LRRTM3: variants seen among roughly 807,000 people sequenced by gnomAD.
LRRTM3 encodes the protein leucine rich repeat transmembrane neuronal 3.
Under a neutral mutation model 44.7 loss-of-function variants are expected in LRRTM3, and 24 were observed. The ratio of observed to expected loss-of-function variants is 0.54; its 90% CI spans 0.39 to 0.76. The LOEUF (loss-of-function observed/expected upper bound fraction) is 0.76. Among genes scored for constraint, LRRTM3 ranks in the 30% least tolerant of loss-of-function variants. The pLI is 0.00. For missense variants in LRRTM3, 587 were observed against 702.2 expected (o/e 0.84, Z 1.85); for synonymous variants, 277 against 278.7 (o/e 0.99, Z 0.06).
chr10:67,004,098 A>G (rs1038468452), intron 2 of LRRTM3, among the ~76,000 whole-genome samples: 2 of 152,120 alleles, frequency 1.3e-5, no homozygotes, highest in Non-Finnish European at 2.9e-5. Context: ...GTTAAAAAAA[A>G]AAAGCCACCT....
chr10:67,085,786 G>T (rs766899391), intron 2 of LRRTM3, among the ~76,000 whole-genome samples: 1 of 151,796 alleles, frequency 6.6e-6, no homozygotes, highest in Non-Finnish European at 1.5e-5. Context: ...TTACTAATAC[G>T]CAAGCCTGCA....
chr10:66,998,344 T>C (rs1851473854), intron 2 of LRRTM3, among the ~76,000 whole-genome samples: 1 of 152,146 alleles, frequency 6.6e-6, no homozygotes, highest in Non-Finnish European at 1.5e-5. Context: ...TAGAACAATA[T>C]TTTTTAAAGC....
At chr10:66,938,093 T>C (rs536391215) in intron 2 of LRRTM3, among the ~76,000 whole-genome samples, 2 of 152,220 alleles carry the variant, frequency 1.3e-5, no homozygotes, top group Non-Finnish European at 2.9e-5. Context: ...TTGCAAACAA[T>C]CTACAGTAAA....
At chr10:66,947,111 A>G (rs1244743671) in intron 2 of LRRTM3, among the ~76,000 whole-genome samples, 1 of 152,066 alleles carries the variant, frequency 6.6e-6, no homozygotes, top group African/African-American at 2.4e-5. Context: ...TCAACTTAGA[A>G]AGCCAGCCCT....
intron 2 of LRRTM3, among the ~76,000 whole-genome samples, chr10:67,069,407 C>A (rs758400441): frequency 6.6e-6 from 1 of 151,954 alleles, no homozygotes; most frequent in Admixed American, 6.6e-5. Context: ...ACTCAAAAAA[C>A]GCTCATTGTA....
intron 2 of LRRTM3, among the ~76,000 whole-genome samples, chr10:67,077,222 G>A (rs959990844): frequency 2.0e-4 from 30 of 152,190 alleles, no homozygotes; most frequent in African/African-American, 7.0e-4. Flanking sequence ...GCACATGTTC[G>A]CTCTGGACCT....
At chr10:67,003,466 T>C (rs999060552) in intron 2 of LRRTM3, among the ~76,000 whole-genome samples, 2 of 152,168 alleles carry the variant, frequency 1.3e-5, no homozygotes, top group East Asian at 3.8e-4. Flanking sequence ...GCGGAGAGGT[T>C]CCAAGATCGA....
At chr10:66,948,632 T>A (rs1156255986) in intron 2 of LRRTM3, among the ~76,000 whole-genome samples, 1 of 152,204 alleles carries the variant, frequency 6.6e-6, no homozygotes, top group Non-Finnish European at 1.5e-5. Context: ...AAAATTTATA[T>A]CTACAGGAAG....
chr10:66,980,195 G>A (rs1419319135), intron 2 of LRRTM3, among the ~76,000 whole-genome samples: 4 of 152,112 alleles, frequency 2.6e-5, no homozygotes, highest in South Asian at 2.1e-4. Flanking sequence ...ACTGACCTAC[G>A]GCAGTCAATA....
At chr10:67,084,914 T>A (rs959674327) in intron 2 of LRRTM3, among the ~76,000 whole-genome samples, 1 of 151,882 alleles carries the variant, frequency 6.6e-6, no homozygotes, top group Non-Finnish European at 1.5e-5. Flanking sequence ...AATAATTACA[T>A]GAAACTCCTT....
chr10:66,966,241 T>C (rs1849403613), intron 2 of LRRTM3, among the ~76,000 whole-genome samples: 1 of 152,170 alleles, frequency 6.6e-6, no homozygotes, highest in African/African-American at 2.4e-5. Flanking sequence ...GGTCAGAATT[T>C]AGGAAAAATA....
At chr10:66,947,493 A>G (rs1848333751) in intron 2 of LRRTM3, among the ~76,000 whole-genome samples, 1 of 152,114 alleles carries the variant, frequency 6.6e-6, no homozygotes, top group South Asian at 2.1e-4. Flanking sequence ...TTATTTAAGC[A>G]ACTGAGCCTG....
chr10:67,065,730 G>A (rs765189077), intron 2 of LRRTM3, among the ~76,000 whole-genome samples: 42 of 152,042 alleles, frequency 2.8e-4, no homozygotes, highest in Admixed American at 8.5e-4. Context: ...TAAGCCACAC[G>A]ATAAAGGAGG....
At chr10:67,024,052 C>A (rs1853195666) in intron 2 of LRRTM3, among the ~76,000 whole-genome samples, 1 of 152,220 alleles carries the variant, frequency 6.6e-6, no homozygotes, top group South Asian at 2.1e-4. Context: ...AGTTTATTAT[C>A]TTCCGGAGGA....
chr10:67,022,100 G>A (rs1853056081), intron 2 of LRRTM3, among the ~76,000 whole-genome samples: 1 of 152,150 alleles, frequency 6.6e-6, no homozygotes, highest in Non-Finnish European at 1.5e-5. Flanking sequence ...CTTCCCTGAA[G>A]TAGCTTGTAT....
Position 66,926,261 on chromosome 10 carries a change from G to GTT in LRRTM3, c.-314_-313dup. 3.6e-5 allele frequency: 15 copies of GTT among 412,914 alleles called. No individual in the cohort carries two copies. The highest frequency in any genetic ancestry group is 9.7e-5 in the East Asian group (2 of 20,622). The allele number at this position is 412,914 out of a possible 1,614,324, so 25.6% of individuals were successfully genotyped here. The stretch of plus-strand genomic sequence containing the variant: ...CGATAAGAAGAAATTGTAGGATCCA[G>GTT]TTTTTTTTTTAACCGCCCCCTCCCC... On this transcript the variant is annotated 5_prime_UTR_variant, in exon 1 of 3. Transcript: ENST00000361320.
chr10:67,089,287 A>C (rs1292071751), intron 2 of LRRTM3, among the ~76,000 whole-genome samples: 1 of 152,098 alleles, frequency 6.6e-6, no homozygotes, highest in Non-Finnish European at 1.5e-5. Context: ...AAGAATTATA[A>C]AGGTTATTTT....
intron 2 of LRRTM3, among the ~76,000 whole-genome samples, chr10:67,067,429 T>C (rs1034535125): frequency 6.6e-6 from 1 of 152,198 alleles, no homozygotes; most frequent in African/African-American, 2.4e-5. Flanking sequence ...GCAAAGATAA[T>C]TACTTTGTCC....
At chr10:66,926,802 A>T in intron 1 of LRRTM3, 119 bp from the exon 2 acceptor site, 2 of 982,014 alleles carry the variant, frequency 2.0e-6, no homozygotes, top group Non-Finnish European at 2.9e-6. Flanking sequence ...ATAATATGTG[A>T]TGTTAAGTGT....
Sources: allele counts gnomAD v4.1 joint callset (sites outside exome capture counted in the v4.1 genomes callset), GRCh38; gene constraint gnomAD v4.1.1; transcripts MANE v1.5; gene names NCBI Gene and HGNC (gene_info 2026-07-23, HGNC 2026-07-21).